The following GDA variants were observed in gnomAD, a reference collection of about 807,000 sequenced individuals.
GDA encodes the protein cytoplasmic PSD-95 interactor.
A neutral mutation model predicts 59.6 loss-of-function variants in GDA; 18 were observed. The ratio of observed to expected loss-of-function variants is 0.30; its 90% confidence interval spans 0.21 to 0.45. GDA has a LOEUF of 0.45. Among genes scored for constraint, GDA ranks in the 20% least tolerant of loss-of-function variants. GDA has a pLI of 1.00. For missense variants in GDA, 427 were observed against 552.3 expected (o/e 0.77, Z 2.27); for synonymous variants, 201 against 201.1 (o/e 1.00, Z 0.00).
intron 11 of GDA, among the ~76,000 whole-genome samples, chr9:72,241,824 G>A (rs965638841): frequency 6.6e-6 from 1 of 152,254 alleles, no homozygotes; most frequent in East Asian, 1.9e-4. Flanking sequence ...ACCCGGGGAG[G>A]TAGAGGCTGC....
chr9:72,139,610 A>T (rs1191146560), intron 1 of GDA, among the ~76,000 whole-genome samples: 1 of 152,114 alleles, frequency 6.6e-6, no homozygotes, highest in Non-Finnish European at 1.5e-5. Context: ...ACTTGAGGAC[A>T]AGAGTTCGGG....
chr9:72,198,986 G>A (rs1833597896), intron 2 of GDA, among the ~76,000 whole-genome samples: 1 of 151,996 alleles, frequency 6.6e-6, no homozygotes, highest in Non-Finnish European at 1.5e-5. Context: ...GAGGAAAGCT[G>A]AAAAGAAGGG....
At chr9:72,225,080 G>A (rs1389106355) in intron 7 of GDA, among the ~76,000 whole-genome samples, 1 of 152,146 alleles carries the variant, frequency 6.6e-6, no homozygotes, top group Non-Finnish European at 1.5e-5. Context: ...TCAGGAGTTT[G>A]AGACCAGCCT....
chr9:72,224,737 T>TA (rs1837333379), intron 7 of GDA, among the ~76,000 whole-genome samples: 1 of 151,976 alleles, frequency 6.6e-6, no homozygotes, highest in African/African-American at 2.4e-5. Flanking sequence ...TATATTGGGT[T>TA]TCTGTGAATT....
intron 3 of GDA, among the ~76,000 whole-genome samples, chr9:72,207,472 T>A (rs983292308): frequency 6.6e-6 from 1 of 152,278 alleles, no homozygotes; most frequent in Admixed American, 6.5e-5. Flanking sequence ...CAAAGGATGC[T>A]ATTTTTCATT....
At chr9:72,185,561 C>A (rs761310763) in intron 1 of GDA, among the ~76,000 whole-genome samples, 1 of 152,120 alleles carries the variant, frequency 6.6e-6, no homozygotes, top group Non-Finnish European at 1.5e-5. Context: ...TGTCTCTGTT[C>A]AAAAACTTCA....
At chr9:72,136,666 C>G (rs1474403986) in intron 1 of GDA, among the ~76,000 whole-genome samples, 3 of 152,114 alleles carry the variant, frequency 2.0e-5, no homozygotes, top group African/African-American at 7.2e-5. Flanking sequence ...TCAAATGCAA[C>G]TTTTGGCTCA....
chr9:72,124,654 C>T (rs1457728886), intron 1 of GDA, among the ~76,000 whole-genome samples: 1 of 152,104 alleles, frequency 6.6e-6, no homozygotes, highest in Non-Finnish European at 1.5e-5. Context: ...ATGACATCCA[C>T]TAAATAAGCT....
intron 1 of GDA, chr9:72,194,197 CAGA>C (rs1023980722): frequency 2.6e-5 from 4 of 152,086 alleles, no homozygotes; most frequent in South Asian, 2.1e-4. Flanking sequence ...TTTCCTCAAG[CAGA>C]AGGAGTCTTG....
At chr9:72,148,823 T>G (rs1826813631), upstream of GDA, among the ~76,000 whole-genome samples, 1 of 152,188 alleles carries the variant, frequency 6.6e-6, no homozygotes, top group South Asian at 2.1e-4. Context: ...GAACTTAATT[T>G]TCTCCCTTTG....
Position 72,250,504 on chromosome 9 carries a change from A to G in GDA, c.*2162A>G, listed in dbSNP as rs1840575581. The G allele has an allele frequency of 7.3e-7, 1 of 1,375,316 alleles. No homozygotes were observed. The highest frequency in any genetic ancestry group is 9.4e-7 in the Non-Finnish European group (1 of 1,064,656). 85.2% of individuals were successfully genotyped at this position (1,375,316 alleles called of 1,614,324 possible). A position where few individuals can be genotyped will look rare whatever the true frequency, so the allele number is the denominator to read the frequency against. ...AAATAGGATGTGTTGAAATATTTAT[A>G]TGTACTTTGATCTCTCCACATCACT... On this transcript the variant is annotated 3_prime_UTR_variant, in exon 14 of 14. Coordinates refer to ENST00000358399, the MANE Select transcript of GDA (RefSeq NM_004293.5).
At chr9:72,222,864 G>A (rs960013729) in intron 6 of GDA, among the ~76,000 whole-genome samples, 2 of 151,870 alleles carry the variant, frequency 1.3e-5, no homozygotes, top group South Asian at 4.2e-4. Flanking sequence ...GCGCCACCAC[G>A]CCCAGCTAAT....
downstream of GDA, among the ~76,000 whole-genome samples, chr9:72,257,987 A>G (rs1038753365): frequency 7.9e-5 from 12 of 151,098 alleles, no homozygotes; most frequent in African/African-American, 2.9e-4. Flanking sequence ...AATCCTAGTG[A>G]CATACTAAGA....
intron 1 of GDA, among the ~76,000 whole-genome samples, chr9:72,128,971 C>CT (rs200662642): frequency 0.16 from 23,253 of 146,346 alleles, 2,334 homozygotes; most frequent in East Asian, 0.51. Flanking sequence ...TCTTTCTTTT[C>CT]TTTTTTTTTT....
intron 11 of GDA, among the ~76,000 whole-genome samples, chr9:72,242,325 C>T (rs1342577736): frequency 2.0e-5 from 3 of 152,140 alleles, no homozygotes; most frequent in Non-Finnish European, 2.9e-5. Context: ...AAATATTGCT[C>T]ATCAACTTTT....
intron 12 of GDA, among the ~76,000 whole-genome samples, chr9:72,245,783 A>G (rs1028991539): frequency 2.6e-5 from 4 of 152,228 alleles, no homozygotes; most frequent in Non-Finnish European, 4.4e-5. Flanking sequence ...GCTCTTGAGC[A>G]CTATGCTATG....
At chr9:72,132,274 G>A (rs7019377) in intron 1 of GDA, among the ~76,000 whole-genome samples, 2,121 of 152,192 alleles carry the variant, frequency 0.014, 39 homozygotes, top group African/African-American at 0.049. Flanking sequence ...GCCCAACCAC[G>A]GTGGGGTGCC....
At chr9:72,246,339 G>T (rs1840137813) in intron 12 of GDA, among the ~76,000 whole-genome samples, 1 of 152,078 alleles carries the variant, frequency 6.6e-6, no homozygotes. Context: ...GTAGAGACAG[G>T]GTTTCACCAT....
chr9:72,231,499 A>G (rs1838345712), intron 10 of GDA, among the ~76,000 whole-genome samples: 1 of 151,492 alleles, frequency 6.6e-6, no homozygotes, highest in Admixed American at 6.6e-5. Flanking sequence ...CGGGAGGCGG[A>G]GCTTGTAGTG....
Sources: allele counts gnomAD v4.1 joint callset (sites outside exome capture counted in the v4.1 genomes callset), GRCh38; gene constraint gnomAD v4.1.1; transcripts MANE v1.5; gene names NCBI Gene and HGNC (gene_info 2026-07-23, HGNC 2026-07-21).